The following KDM5B variants were observed in gnomAD, a reference collection of about 807,000 sequenced individuals.
The protein encoded by KDM5B is lysine-specific demethylase 5B.
Under a neutral mutation model 193.4 loss-of-function variants are expected in KDM5B, and 144 were observed. The ratio of observed to expected loss-of-function variants is 0.74; its 90% confidence interval spans 0.65 to 0.86. The LOEUF is 0.86. KDM5B is among the 40% of genes least tolerant of loss of function. The pLI, the probability that KDM5B is intolerant of heterozygous loss-of-function variation, is 0.00. For synonymous variants in KDM5B, 668 were observed against 682.6 expected, an observed-to-expected ratio of 0.98 and a Z score of 0.33; for missense variants, 1,833 against 1,886.9, an observed-to-expected ratio of 0.97 and a Z score of 0.53.
intron 3 of KDM5B, 89 bp downstream of exon 3, chr1:202,774,524 A>T: frequency 7.9e-7 from 1 of 1,265,094 alleles, no homozygotes; most frequent in Non-Finnish European, 1.1e-6. Flanking sequence ...CACCTGGCTG[A>T]GCAATAAGTT....
At position 202,770,088 on chromosome 1, in the gene KDM5B, G is replaced by A. The variant is rs116492408; in HGVS notation, c.577-3028C>T. Reference sequence around the variant, plus strand: ...GACTTTGCAGATCTAAGAAAATCATGCCCTGTAGTTTTTTAGAATAAATAT... The same window carrying A: ...GACTTTGCAGATCTAAGAAAATCATACCCTGTAGTTTTTTAGAATAAATAT... On this transcript the variant is annotated intron_variant, in intron 4 of 26. Coordinates refer to ENST00000367265, the MANE Select transcript of KDM5B (RefSeq NM_006618.5). Among the ~76,000 whole-genome samples, 287 of 152,196 alleles carry A rather than the reference G, an allele frequency of 1.9e-3. 1 individual carries two copies. The highest frequency in any genetic ancestry group is 3.2e-3 in the Non-Finnish European group (217 of 67,978).
chr1:202,773,034 A>G, intron 4 of KDM5B, 84 bp downstream of exon 4: 2 of 1,055,104 alleles, frequency 1.9e-6, no homozygotes, highest in Admixed American at 4.5e-5. Flanking sequence ...TCCAAACACA[A>G]TCAAGGCTTT....
At chr1:202,773,733 GCTT>G (rs1254171640) in intron 3 of KDM5B, among the ~76,000 whole-genome samples, 3 of 83,104 alleles carry the variant, frequency 3.6e-5, no homozygotes, top group Non-Finnish European at 6.5e-5. Flanking sequence ...TTATGGCTCA[GCTT>G]CTTTTTTTTT....
chr1:202,740,762 T>G lies in KDM5B; in HGVS notation c.2996A>C (p.Glu999Ala), dbSNP rs761003819. The G allele has an allele frequency of 6.2e-7, 1 of 1,613,016 alleles. No homozygotes were observed. Residue 999 changes from glutamate (E) to alanine (A), a missense_variant, in exon 20 of 27, where the codon GAG (glutamate) becomes GCG (alanine). Physicochemically the swap from Glu to Ala is moderately radical, Grantham distance 107. Around this residue, in one of 3 missense-constraint regions of KDM5B, gnomAD observed 1,379 missense variants for 1,349.6 expected, o/e 1.02. Transcript: ENST00000367265. ...ACCATTGGGCAGATATGCAGGGATC[T>G]CTTCGATTTCCTTTACTGCCGTAGC... ...SLATAVKEIE[E>A]IPAYLPNGAA...
intron 7 of KDM5B, 140 bp downstream of exon 7, chr1:202,762,559 A>G (rs994374593): frequency 3.1e-6 from 2 of 649,838 alleles, no homozygotes; most frequent in Non-Finnish European, 2.8e-6. Flanking sequence ...TTCAGAAGAT[A>G]TTTTTATTGT....
At chr1:202,739,901 G>T (rs1361877480) in intron 20 of KDM5B, among the ~76,000 whole-genome samples, 2 of 152,178 alleles carry the variant, frequency 1.3e-5, no homozygotes, top group Admixed American at 6.5e-5. Context: ...GCAACCATCC[G>T]ATTTCTCAAT....
intron 1 of KDM5B, among the ~76,000 whole-genome samples, chr1:202,792,616 GATAACTGTATAC>G (rs1305095772): frequency 6.6e-6 from 1 of 152,158 alleles, no homozygotes; most frequent in African/African-American, 2.4e-5. Flanking sequence ...ATGGTACTTT[GATAACTGTATAC>G]ATGCAGCTTA....
intron 1 of KDM5B, among the ~76,000 whole-genome samples, chr1:202,803,841 A>AT (rs1261792567): frequency 6.7e-6 from 1 of 148,924 alleles, no homozygotes; most frequent in Admixed American, 6.8e-5. Flanking sequence ...AAAGGTAGAC[A>AT]TTTGTGGCCT....
chr1:202,808,416 T>C lies in KDM5B; in HGVS notation c.-111A>G. ...CGGCTCGAGCAACAGCAAGTCCGAG[T>C]TGTACGGGCAACGGCAGCACCTTGG... On this transcript the variant is annotated 5_prime_UTR_variant, in exon 1 of 27. Coordinates refer to ENST00000367265, the MANE Select transcript of KDM5B (RefSeq NM_006618.5). The C allele has an allele frequency of 2.0e-6, 2 of 985,994 alleles. No homozygotes were observed. The highest frequency in any genetic ancestry group is 1.5e-6 in the Non-Finnish European group (1 of 687,458). The allele number at this position is 985,994 out of a possible 1,614,324, so 61.1% of individuals were successfully genotyped here. A position where few individuals can be genotyped will look rare whatever the true frequency, so the allele number is the denominator to read the frequency against.
At chr1:202,795,144 G>A (rs890574211) in intron 1 of KDM5B, among the ~76,000 whole-genome samples, 2 of 152,022 alleles carry the variant, frequency 1.3e-5, no homozygotes, top group African/African-American at 4.8e-5. Flanking sequence ...AGCCCAGGAG[G>A]CAGAGATTGC....
intron 9 of KDM5B, among the ~76,000 whole-genome samples, chr1:202,757,096 T>TC (rs1656044144): frequency 1.3e-5 from 2 of 150,304 alleles, no homozygotes; most frequent in African/African-American, 4.9e-5. Flanking sequence ...GGCTGGGAGG[T>TC]GGGGGGGGGA....
chr1:202,742,755 G>A lies in KDM5B; in HGVS notation c.2374C>T (p.Pro792Ser), dbSNP rs1024227444. ...LIEESEMKKFPDNDLLRHLRL... is the reference protein window; with the variant it reads ...LIEESEMKKFSDNDLLRHLRL... ...AGGTGTCGCAAAAGATCATTGTCTG[G>A]GAATTTCTTCATTTCAGATTCTTCA... is the stretch of plus-strand genomic sequence containing the variant. The change falls in exon 17 of 27, where the codon CCA (proline) becomes TCA (serine). Residue 792 changes from proline (P) to serine (S), a missense_variant. Transcript: ENST00000367265. 6.8e-6 allele frequency: 11 copies of A among 1,614,080 alleles called. No individual in the cohort carries two copies. Among genetic ancestry groups the A allele is most frequent in the Non-Finnish European group, 7.6e-6 (9 of 1,179,982 alleles).
chr1:202,804,574 A>G (rs369861101), intron 1 of KDM5B, among the ~76,000 whole-genome samples: 1 of 152,232 alleles, frequency 6.6e-6, no homozygotes, highest in South Asian at 2.1e-4. Context: ...GACTGTATTA[A>G]AACATTTAAG....
chr1:202,729,934 A>G lies in KDM5B; in HGVS notation c.4270T>C (p.Trp1424Arg), dbSNP rs752394663. 6 of 1,613,876 alleles carry G rather than the reference A, an allele frequency of 3.7e-6. No individual in the cohort carries two copies. Among genetic ancestry groups the G allele is most frequent in the Non-Finnish European group, 5.1e-6 (6 of 1,179,980 alleles). The change falls in exon 26 of 27, where the codon TGG (tryptophan) becomes CGG (arginine). Residue 1424 changes from tryptophan (W) to arginine (R), a missense_variant. Trp to Arg is a moderately radical substitution (Grantham distance 101). Transcript: ENST00000367265. ...LEREGLSSER[W>R]ERVKKMRTPK... ...GTCCGCATTTTCTTAACTCGTTCCC[A>G]CCGCTCACTGGAGAGGCCCTCTCTT...
chr1:202,749,577 A>G (rs998578471), intron 13 of KDM5B, among the ~76,000 whole-genome samples: 3 of 141,848 alleles, frequency 2.1e-5, no homozygotes, highest in African/African-American at 7.5e-5. Flanking sequence ...AAAACAAACA[A>G]AACACCAGAC....
chr1:202,796,958 A>T (rs1402761297), intron 1 of KDM5B: 1 of 152,366 alleles, frequency 6.6e-6, no homozygotes, highest in East Asian at 1.9e-4. Context: ...ATCTGTGCCA[A>T]GTCGGGCATC....
At position 202,783,511 on chromosome 1, in the gene KDM5B, A is replaced by C. The variant is rs571087515; in HGVS notation, c.205-6417T>G. On this transcript the variant is annotated intron_variant, in intron 1 of 26. Transcript: ENST00000367265. ...CAGAGCAAGACTGTCTCAAAAAAAAACAAAAACAAACAAAAAAACTTGAAA... is the reference window on the plus strand; with the variant it reads ...CAGAGCAAGACTGTCTCAAAAAAAACCAAAAACAAACAAAAAAACTTGAAA... Among the ~76,000 whole-genome samples, 3 of 152,262 alleles carry C rather than the reference A, an allele frequency of 2.0e-5. No individual in the cohort carries two copies. The South Asian group carries it at 6.2e-4, about 32-fold the overall frequency.
intron 4 of KDM5B, chr1:202,767,440 C>A (rs113424589): frequency 3.8e-6 from 5 of 1,313,410 alleles, no homozygotes; most frequent in Non-Finnish European, 5.5e-6. Context: ...GGAAGCTCTG[C>A]GAAAGGTGCA....
chr1:202,797,189 T>C (rs987595449), intron 1 of KDM5B: 22 of 152,028 alleles, frequency 1.4e-4, no homozygotes, highest in Admixed American at 7.2e-4. Flanking sequence ...GAGGGGAGGA[T>C]CCTTGTTTCC....
Sources: allele counts gnomAD v4.1 joint callset (sites outside exome capture counted in the v4.1 genomes callset), GRCh38; gene constraint gnomAD v4.1.1; regional missense constraint gnomAD v4.1.1; transcripts MANE v1.5; gene names NCBI Gene and HGNC (gene_info 2026-07-23, HGNC 2026-07-21).